Variants in DGCR2 observed in about 807,000 individuals in gnomAD.
DGCR2 encodes DiGeorge syndrome critical region gene 2, also known as integral membrane protein DGCR2/IDD.
A neutral mutation model predicts 51.6 loss-of-function variants in DGCR2; 24 were observed. The observed-to-expected ratio is 0.47, with a 90% confidence interval of 0.34 to 0.65. DGCR2 has a LOEUF of 0.65. Among genes scored for constraint, DGCR2 ranks in the 30% least tolerant of loss-of-function variants. The pLI is 0.01. For missense variants in DGCR2, 765 were observed against 772.1 expected (o/e 0.99, Z 0.11); for synonymous variants, 340 against 315.4 (o/e 1.08, Z -0.82).
At chr22:19,084,750 C>T (rs1261702392) in intron 2 of DGCR2, among the ~76,000 whole-genome samples, 12 of 149,098 alleles carry the variant, frequency 8.0e-5, no homozygotes, top group Non-Finnish European at 1.3e-4. Context: ...CCGCCCCGTC[C>T]GGGAGGGAGG....
chr22:19,077,027 T>C lies in DGCR2; in HGVS notation c.203-8802A>G, dbSNP rs551777905. On this transcript the variant is annotated intron_variant, in intron 2 of 9. Coordinates refer to ENST00000263196, the MANE Select transcript of DGCR2 (RefSeq NM_005137.3). Reference sequence around the variant, plus strand: ...GCGTGAGCCGCCGCACCCAGTCCTTTGCACATTTTTTAACCAGGATATTTA... The same window carrying C: ...GCGTGAGCCGCCGCACCCAGTCCTTCGCACATTTTTTAACCAGGATATTTA... Among the ~76,000 whole-genome samples, 106 of 152,320 alleles carry C rather than the reference T, an allele frequency of 7.0e-4. 1 individual carries two copies. The highest frequency in any genetic ancestry group is 4.4e-3 in the Admixed American group (68 of 15,294).
At position 19,116,679 on chromosome 22, in the gene DGCR2, G is replaced by A. The variant is rs1380254053; in HGVS notation, c.79+5449C>T. Reference sequence around the variant, plus strand: ...ATCTAATCAGTCAAGAGCTATCTACGGGGTCCTTAAATGTTGTCACTGATG... The same window carrying A: ...ATCTAATCAGTCAAGAGCTATCTACAGGGTCCTTAAATGTTGTCACTGATG... On this transcript the variant is annotated intron_variant, in intron 1 of 9. Transcript: ENST00000263196. Among the ~76,000 whole-genome samples the A allele has an allele frequency of 4.6e-5, 7 of 152,078 alleles. No homozygotes were observed. In the South Asian group the frequency reaches 6.2e-4, roughly 14 times the overall value.
At chr22:19,076,770 T>G (rs1035292105) in intron 2 of DGCR2, among the ~76,000 whole-genome samples, 90 of 131,814 alleles carry the variant, frequency 6.8e-4, no homozygotes, top group South Asian at 1.9e-3. Flanking sequence ...TCGCTCTCTC[T>G]CCCAGTCTGG....
chr22:19,061,819 T>C (rs1490330873), intron 5 of DGCR2: 1 of 152,142 alleles, frequency 6.6e-6, no homozygotes, highest in Non-Finnish European at 1.5e-5. Flanking sequence ...CCTTGCACGT[T>C]GAGCCACACA....
At chr22:19,056,599 A>T in intron 6 of DGCR2, 1 of 370,786 alleles carries the variant, frequency 2.7e-6, no homozygotes, top group Non-Finnish European at 4.9e-6. Flanking sequence ...AGGTAAACAG[A>T]GAAGCAGAGA....
chr22:19,058,470 C>T (rs1336214698), intron 5 of DGCR2, among the ~76,000 whole-genome samples: 2 of 152,178 alleles, frequency 1.3e-5, no homozygotes, highest in Non-Finnish European at 2.9e-5. Flanking sequence ...ACGCTGTGCA[C>T]CACCCCACCT....
intron 1 of DGCR2, among the ~76,000 whole-genome samples, chr22:19,120,234 G>C (rs889025799): frequency 6.6e-6 from 1 of 152,136 alleles, no homozygotes; most frequent in African/African-American, 2.4e-5. Context: ...TCATGGAATC[G>C]AAAGAATAAG....
chr22:19,094,687 T>A (rs1191735203), intron 1 of DGCR2, among the ~76,000 whole-genome samples: 1 of 152,254 alleles, frequency 6.6e-6, no homozygotes, highest in Non-Finnish European at 1.5e-5. Flanking sequence ...ACACAAAGAC[T>A]TGTTCATAGT....
intron 1 of DGCR2, among the ~76,000 whole-genome samples, chr22:19,112,421 TTTCA>T (rs2083327304): frequency 9.7e-6 from 1 of 103,458 alleles, no homozygotes; most frequent in African/African-American, 3.4e-5. Flanking sequence ...ATAAACATGG[TTTCA>T]AATCAAAACA....
In DGCR2 at chr22:19,057,545, G is replaced by A. The variant is rs2146325859; in HGVS notation, c.626-383C>T. The stretch of plus-strand genomic sequence containing the variant: ...GATTAAAATGCAAACAGGGGAATGG[G>A]CAAGGGAAACAGGCAGGGAAGCTCT... On this transcript the variant is annotated intron_variant, in intron 5 of 9. Coordinates refer to ENST00000263196, the MANE Select transcript of DGCR2 (RefSeq NM_005137.3). This position sits in a 1 kb window ranked among gnomAD's most constrained non-coding sequence, Gnocchi z 5.1. Among the ~76,000 whole-genome samples, 1 of 152,328 alleles carries A rather than the reference G, an allele frequency of 6.6e-6. No homozygotes were observed. Among genetic ancestry groups the A allele is most frequent in the Non-Finnish European group, 1.5e-5 (1 of 68,034 alleles).
At chr22:19,056,956 C>A in intron 6 of DGCR2, 30 bp downstream of exon 6, 4 of 1,540,820 alleles carry the variant, frequency 2.6e-6, no homozygotes, top group Non-Finnish European at 3.5e-6. Context: ...CCCAGACATT[C>A]CCCAAGAACG....
At chr22:19,093,497 A>G (rs1201145919) in intron 1 of DGCR2, among the ~76,000 whole-genome samples, 1 of 152,238 alleles carries the variant, frequency 6.6e-6, no homozygotes, top group African/African-American at 2.4e-5. Flanking sequence ...ATATCTACCA[A>G]AAACACAATC....
chr22:19,072,822 G>A (rs111616501), intron 2 of DGCR2, among the ~76,000 whole-genome samples: 1,747 of 152,146 alleles, frequency 0.011, 19 homozygotes, highest in Non-Finnish European at 0.016. Context: ...TGCAGTGAGT[G>A]GAGATCGCAC....
At chr22:19,042,390 A>G (rs2082442257) in intron 7 of DGCR2, among the ~76,000 whole-genome samples, 1 of 152,218 alleles carries the variant, frequency 6.6e-6, no homozygotes, top group South Asian at 2.1e-4. Context: ...CGTCCGTCCA[A>G]CAGCAGCCTT....
chr22:19,089,053 G>C (rs2083048830), intron 2 of DGCR2, among the ~76,000 whole-genome samples: 1 of 152,144 alleles, frequency 6.6e-6, no homozygotes, highest in Non-Finnish European at 1.5e-5. Context: ...AGGTGGCCAA[G>C]GTGCCACCCC....
chr22:19,082,054 G>GTTTTTTTTTTTTTTTTTTTT (rs1569068875), intron 2 of DGCR2, among the ~76,000 whole-genome samples: 1 of 116,464 alleles, frequency 8.6e-6, no homozygotes. Flanking sequence ...TGTTTTTTGG[G>GTTTTTTTTTTTTTTTTTTTT]GTTTTTTTTG....
At chr22:19,047,887 T>C (rs541505326) in intron 7 of DGCR2, 2 of 160,010 alleles carry the variant, frequency 1.2e-5, no homozygotes, top group South Asian at 1.8e-4. Flanking sequence ...AGAGCTCCAA[T>C]GTGGACATAA....
At chr22:19,085,714 C>T (rs1176473459) in intron 2 of DGCR2, among the ~76,000 whole-genome samples, 1 of 152,216 alleles carries the variant, frequency 6.6e-6, no homozygotes, top group African/African-American at 2.4e-5. Flanking sequence ...CATCTTTCCC[C>T]TTTTTTTGTC....
At chr22:19,048,398 A>C (rs866767570) in intron 7 of DGCR2, 42 bp downstream of exon 7, 1 of 1,608,274 alleles carries the variant, frequency 6.2e-7, no homozygotes, top group Non-Finnish European at 8.5e-7. Context: ...CTCCAGCCCC[A>C]AATAGGGAGG....
Sources: gnomAD v4.1 joint callset for allele counts (sites outside exome capture counted in the v4.1 genomes callset) on GRCh38, gnomAD v4.1.1 for gene constraint, Gnocchi (gnomAD v3.1) non-coding constraint, MANE v1.5 for transcripts, NCBI Gene and HGNC (gene_info 2026-07-23, HGNC 2026-07-21) for gene names.